SCAI: variants seen among roughly 807,000 people sequenced by gnomAD.
The protein encoded by SCAI is suppressor of cancer cell invasion.
A neutral mutation model predicts 92.2 loss-of-function variants in SCAI; 24 were observed. The ratio of observed to expected loss-of-function variants is 0.26; its 90% CI spans 0.19 to 0.37. SCAI has a LOEUF of 0.37. Among genes scored for constraint, SCAI ranks in the 10% least tolerant of loss-of-function variants. SCAI has a pLI of 1.00. For missense variants in SCAI, 450 were observed against 736.2 expected (o/e 0.61, Z 4.50); for synonymous variants, 261 against 258.6 (o/e 1.01, Z -0.09).
At chr9:125,135,602 G>A (rs896461707) in intron 2 of SCAI, among the ~76,000 whole-genome samples, 20 of 152,048 alleles carry the variant, frequency 1.3e-4, no homozygotes, top group African/African-American at 3.4e-4. Flanking sequence ...GCTGTGAACC[G>A]AGATAGCATG....
intron 9 of SCAI, among the ~76,000 whole-genome samples, chr9:125,006,922 G>A (rs1031576449): frequency 5.9e-5 from 9 of 151,948 alleles, no homozygotes; most frequent in East Asian, 3.9e-4. Flanking sequence ...AGTTTGAGAC[G>A]AGCCTGGCCA....
rs1017668452 is a variant in SCAI, at chr9:125,134,711, T to C, written c.98+7922A>G. Among the ~76,000 whole-genome samples, 49 of 152,200 alleles carry C rather than the reference T, an allele frequency of 3.2e-4. 1 individual carries two copies. Among genetic ancestry groups the C allele is most frequent in the Admixed American group, 3.2e-3 (49 of 15,264 alleles). ...GTGTGTGTGAGATGGAGTTTCGCTCTTGTTGCCCAGGCTAGAGTGCAATGG... is the reference window on the plus strand; with the variant it reads ...GTGTGTGTGAGATGGAGTTTCGCTCCTGTTGCCCAGGCTAGAGTGCAATGG... On this transcript the variant is annotated intron_variant, in intron 2 of 17. Transcript: ENST00000336505.
At chr9:125,030,517 G>C (rs1366084706) in intron 3 of SCAI, among the ~76,000 whole-genome samples, 1 of 152,216 alleles carries the variant, frequency 6.6e-6, no homozygotes, top group African/African-American at 2.4e-5. Flanking sequence ...ACTACAATTT[G>C]AGGGTTGTTA....
At chr9:125,025,891 A>G (rs1299428092) in intron 6 of SCAI, among the ~76,000 whole-genome samples, 2 of 152,232 alleles carry the variant, frequency 1.3e-5, no homozygotes, top group African/African-American at 2.4e-5. Context: ...GTTTTCTTCT[A>G]TTGCTAAGAG....
At chr9:124,968,372 C>T (rs1363205290) in intron 17 of SCAI, 3 of 1,190,060 alleles carry the variant, frequency 2.5e-6, no homozygotes, top group Non-Finnish European at 3.8e-6. Flanking sequence ...CTGCAGCGAG[C>T]ACATCATGGA....
chr9:125,122,375 G>T (rs946641380), intron 2 of SCAI, among the ~76,000 whole-genome samples: 6 of 151,938 alleles, frequency 3.9e-5, no homozygotes, highest in African/African-American at 1.4e-4. Flanking sequence ...TGGACCACGA[G>T]GTCAGGAGTT....
chr9:125,120,183 A>T (rs1226691071), intron 2 of SCAI, among the ~76,000 whole-genome samples: 1 of 152,228 alleles, frequency 6.6e-6, no homozygotes, highest in African/African-American at 2.4e-5. Flanking sequence ...CATTTGGCAA[A>T]TACAATCTGT....
chr9:125,043,411 G>A lies in SCAI; in HGVS notation c.230+12465C>T, dbSNP rs914449360. Among the ~76,000 whole-genome samples, 4 of 152,260 alleles carry A rather than the reference G, an allele frequency of 2.6e-5. No individual in the cohort carries two copies. The East Asian group carries it at 5.8e-4, about 22-fold the overall frequency. On this transcript the variant is annotated intron_variant, in intron 3 of 17. Coordinates refer to ENST00000336505, the MANE Select transcript of SCAI (RefSeq NM_001144877.3). ...TCAAAGCCCAGTTGAGCATTTCCTT[G>A]TTTAGCACCAGTATTTGCTTTTACC...
At chr9:125,140,057 AC>A (rs1564138474) in intron 2 of SCAI, among the ~76,000 whole-genome samples, 1 of 151,668 alleles carries the variant, frequency 6.6e-6, no homozygotes, top group Admixed American at 6.6e-5. Context: ...CCTGTCTCTT[AC>A]AAAAAATAAA....
intron 6 of SCAI, among the ~76,000 whole-genome samples, chr9:125,022,139 A>G (rs1477726506): frequency 6.6e-6 from 1 of 152,158 alleles, no homozygotes; most frequent in Non-Finnish European, 1.5e-5. Flanking sequence ...GATATCATAT[A>G]TCAAAAATTC....
At chr9:125,065,978 C>T (rs1564399234) in intron 2 of SCAI, 1 of 763,024 alleles carries the variant, frequency 1.3e-6, no homozygotes, top group Admixed American at 1.8e-5. Context: ...AAAACTATAG[C>T]AAAAATCATA....
At chr9:125,050,275 G>A (rs754049218) in intron 3 of SCAI, among the ~76,000 whole-genome samples, 5 of 152,064 alleles carry the variant, frequency 3.3e-5, no homozygotes, top group African/African-American at 9.7e-5. Context: ...AAATAAGGGG[G>A]TGGAGGTGGG....
At chr9:125,032,745 C>G (rs1473553513) in intron 3 of SCAI, among the ~76,000 whole-genome samples, 1 of 151,634 alleles carries the variant, frequency 6.6e-6, no homozygotes, top group Non-Finnish European at 1.5e-5. Context: ...TCCAAAGTAG[C>G]TGGGATTACA....
intron 2 of SCAI, among the ~76,000 whole-genome samples, chr9:125,120,703 ACAAATAAAT>A (rs935658170): frequency 5.3e-5 from 8 of 151,758 alleles, no homozygotes; most frequent in African/African-American, 1.9e-4. Flanking sequence ...AAACAAACAA[ACAAATAAAT>A]AAGTATAAAA....
At chr9:124,967,446 C>G (rs1185218588) in intron 17 of SCAI, among the ~76,000 whole-genome samples, 18 of 152,154 alleles carry the variant, frequency 1.2e-4, no homozygotes, top group South Asian at 2.1e-4. Context: ...ACGTCTAGGA[C>G]CAGGCTCTCT....
chr9:125,059,775 T>C (rs1212515353), intron 2 of SCAI, among the ~76,000 whole-genome samples: 3 of 152,206 alleles, frequency 2.0e-5, no homozygotes, highest in Non-Finnish European at 4.4e-5. Context: ...ATCACTAGCA[T>C]CTGACATTCT....
chr9:125,040,979 T>G (rs769179668), intron 3 of SCAI, among the ~76,000 whole-genome samples: 14 of 151,980 alleles, frequency 9.2e-5, no homozygotes, highest in Non-Finnish European at 1.3e-4. Flanking sequence ...TACTAATAAA[T>G]TTGAATAGCT....
In SCAI at chr9:124,950,948, C is replaced by G. The variant is rs923510144; in HGVS notation, c.*1859G>C. On this transcript the variant is annotated 3_prime_UTR_variant, in exon 18 of 18. Transcript: ENST00000336505. ...TGGCGCATGCCTGTAGTCCCAGCTA[C>G]TTGGGAGGCTGAGGTGAGAAGATTG... is the stretch of plus-strand genomic sequence containing the variant. The G allele has an allele frequency of 1.3e-5, 2 of 150,618 alleles. No homozygotes were observed. The highest frequency in any genetic ancestry group is 4.9e-5 in the African/African-American group (2 of 40,876). 9.3% of individuals were successfully genotyped at this position (150,618 alleles called of 1,614,324 possible).
At chr9:125,026,392 A>C (rs1206146285) in intron 6 of SCAI, among the ~76,000 whole-genome samples, 1 of 136,516 alleles carries the variant, frequency 7.3e-6, no homozygotes, top group Admixed American at 7.8e-5. Context: ...AAAAAAAAAA[A>C]AAAGAGAGAG....
Sources: gnomAD v4.1 joint callset for allele counts (sites outside exome capture counted in the v4.1 genomes callset) on GRCh38, gnomAD v4.1.1 for gene constraint, MANE v1.5 for transcripts, NCBI Gene and HGNC (gene_info 2026-07-23, HGNC 2026-07-21) for gene names.